The following SLC6A11 variants were observed in gnomAD, a reference collection of about 807,000 sequenced individuals.
SLC6A11 encodes the protein sodium- and chloride-dependent GABA transporter 3.
A neutral mutation model predicts 74.8 loss-of-function variants in SLC6A11; 25 were observed. The observed-to-expected ratio is 0.33, with a 90% CI of 0.24 to 0.47. The LOEUF (loss-of-function observed/expected upper bound fraction) is 0.47, where lower values mean the gene tolerates loss of function less well. SLC6A11 is among the 20% of genes least tolerant of loss of function. The pLI is 1.00. For synonymous variants in SLC6A11, 330 were observed against 330.2 expected (o/e 1.00, Z 0.01); for missense variants, 574 against 837.0 (o/e 0.69, Z 3.88).
intron 6 of SLC6A11, among the ~76,000 whole-genome samples, chr3:10,878,579 ATTT>A (rs56827863): frequency 1.4e-5 from 2 of 141,168 alleles, no homozygotes; most frequent in African/African-American, 2.6e-5. Flanking sequence ...TAATGTTTGT[ATTT>A]TTTTTTTTTT....
rs1695805687 is a variant in SLC6A11 at position 10,939,947 on chromosome 3, G to A, written c.*1545G>A. 1 of 152,076 alleles carries A rather than the reference G, an allele frequency of 6.6e-6. No homozygotes were observed. The highest frequency in any genetic ancestry group is 2.4e-5 in the African/African-American group (1 of 41,420). The allele number at this position is 152,076 out of a possible 1,614,324, so 9.4% of individuals were successfully genotyped here. ...CACACTCTTTTTTCCTTTTTCCTTA[G>A]GTTCCCAATATTATTTGGTGGAAAC... On this transcript the variant is annotated 3_prime_UTR_variant, in exon 14 of 14. Transcript: ENST00000254488.
chr3:10,851,050 C>T (rs1021384620), intron 5 of SLC6A11, among the ~76,000 whole-genome samples: 2 of 152,308 alleles, frequency 1.3e-5, no homozygotes, highest in South Asian at 2.1e-4. Context: ...GGACACTGCC[C>T]TCTGCAGACA....
chr3:10,831,457 AG>A (rs1296199506), intron 4 of SLC6A11, among the ~76,000 whole-genome samples: 1 of 152,210 alleles, frequency 6.6e-6, no homozygotes, highest in Admixed American at 6.5e-5. Context: ...GACACAGAAA[AG>A]CTAACAGTAA....
chr3:10,817,759 G>T (rs1694082166), intron 1 of SLC6A11, among the ~76,000 whole-genome samples: 1 of 152,184 alleles, frequency 6.6e-6, no homozygotes, highest in South Asian at 2.1e-4. Context: ...GGCACAGGCT[G>T]CTCCAAGCCT....
intron 4 of SLC6A11, chr3:10,824,499 T>C (rs1183449114): frequency 1.3e-5 from 2 of 152,194 alleles, no homozygotes; most frequent in Non-Finnish European, 2.9e-5. Context: ...CTCATATAAA[T>C]CTTCATACTT....
chr3:10,904,215 C>G (rs1695275502), intron 6 of SLC6A11, among the ~76,000 whole-genome samples: 1 of 152,172 alleles, frequency 6.6e-6, no homozygotes, highest in South Asian at 2.1e-4. Context: ...TCTTGCTTCT[C>G]CCAGCAAATG....
chr3:10,884,525 G>T (rs1695019921), intron 6 of SLC6A11, among the ~76,000 whole-genome samples: 1 of 152,206 alleles, frequency 6.6e-6, no homozygotes, highest in African/African-American at 2.4e-5. Context: ...GGCTCTGAGG[G>T]GCTGAAGCTT....
chr3:10,853,340 G>T (rs975356291), intron 5 of SLC6A11, among the ~76,000 whole-genome samples: 2 of 152,198 alleles, frequency 1.3e-5, no homozygotes, highest in Non-Finnish European at 2.9e-5. Flanking sequence ...TGGCTAAGCC[G>T]CAGCTGGCAT....
At chr3:10,896,800 T>C (rs1434839398) in intron 6 of SLC6A11, among the ~76,000 whole-genome samples, 1 of 152,198 alleles carries the variant, frequency 6.6e-6, no homozygotes, top group Non-Finnish European at 1.5e-5. Flanking sequence ...TGAGGGGGCA[T>C]AGACCCACTA....
chr3:10,923,926 A>G (rs1396253570), intron 8 of SLC6A11, among the ~76,000 whole-genome samples: 1 of 152,192 alleles, frequency 6.6e-6, no homozygotes, highest in Admixed American at 6.5e-5. Flanking sequence ...TAGCCAAAAG[A>G]TGCACAACCT....
chr3:10,821,804 AT>A (rs67912503), intron 3 of SLC6A11, among the ~76,000 whole-genome samples: 4,997 of 149,848 alleles, frequency 0.033, 113 homozygotes, highest in South Asian at 0.083. Context: ...GTGTCCAGTA[AT>A]TTTTTTTTTT....
intron 6 of SLC6A11, among the ~76,000 whole-genome samples, chr3:10,889,313 G>A (rs1178943579): frequency 6.6e-6 from 1 of 151,934 alleles, no homozygotes; most frequent in Non-Finnish European, 1.5e-5. Flanking sequence ...GTTCTCTCTT[G>A]GTGTTGTACC....
In SLC6A11 at chr3:10,824,158, A is replaced by T. The variant is rs184082918; in HGVS notation, c.623+766A>T. 1.2e-4 allele frequency: 19 copies of T among 152,348 alleles called. No individual in the cohort carries two copies. The East Asian group carries it at 2.9e-3, about 23-fold the overall frequency. 9.4% of individuals were successfully genotyped at this position (152,348 alleles called of 1,614,324 possible). ...CCATAATTTACATTATGAAATATAC[A>T]TTCCAGAATTGTGTGGTGCACGACC... On this transcript the variant is annotated intron_variant, in intron 4 of 13. Coordinates refer to ENST00000254488, the MANE Select transcript of SLC6A11 (RefSeq NM_014229.3).
At chr3:10,907,573 T>C (rs961114346) in intron 6 of SLC6A11, among the ~76,000 whole-genome samples, 2 of 152,226 alleles carry the variant, frequency 1.3e-5, no homozygotes, top group African/African-American at 4.8e-5. Context: ...CACAGATTAG[T>C]CACTGTTGGA....
intron 6 of SLC6A11, among the ~76,000 whole-genome samples, chr3:10,888,561 C>T (rs1695071029): frequency 2.0e-5 from 3 of 152,212 alleles, no homozygotes; most frequent in Admixed American, 2.0e-4. Flanking sequence ...AGTGGAGTCA[C>T]TTCAAAGAGA....
At chr3:10,884,718 A>G (rs888232984) in intron 6 of SLC6A11, among the ~76,000 whole-genome samples, 14 of 152,072 alleles carry the variant, frequency 9.2e-5, no homozygotes, top group Non-Finnish European at 2.9e-5. Flanking sequence ...GAATCCTAGA[A>G]TCTTAGCCTT....
chr3:10,860,896 C>T (rs1226733572), intron 5 of SLC6A11, among the ~76,000 whole-genome samples: 1 of 152,128 alleles, frequency 6.6e-6, no homozygotes, highest in East Asian at 1.9e-4. Flanking sequence ...CATAGGAAAT[C>T]CAGGTAGACA....
Position 10,816,259 on chromosome 3 carries a change from C to A in SLC6A11, c.-7C>A. The stretch of plus-strand genomic sequence containing the variant: ...CCGGGCCGGCGCACGAGGCAGCCAG[C>A]GCGGCCATGACGGCGGAGAAGGCGC... On this transcript the variant is annotated 5_prime_UTR_variant, in exon 1 of 14. Transcript: ENST00000254488. The surrounding 1 kb of genome is among the most constrained non-coding windows in gnomAD (Gnocchi z 4.2). 1.5e-6 allele frequency: 2 copies of A among 1,322,828 alleles called. No individual in the cohort carries two copies. The highest frequency in any genetic ancestry group is 1.9e-6 in the Non-Finnish European group (2 of 1,038,540). The allele number at this position is 1,322,828 out of a possible 1,614,324, so 81.9% of individuals were successfully genotyped here.
intron 4 of SLC6A11, among the ~76,000 whole-genome samples, chr3:10,835,844 G>A (rs1020287914): frequency 1.4e-4 from 22 of 152,218 alleles, no homozygotes; most frequent in Admixed American, 1.4e-3. Flanking sequence ...AGGGTTGGGA[G>A]GGGGGAGCCC....
Sources: allele counts gnomAD v4.1 joint callset (sites outside exome capture counted in the v4.1 genomes callset), GRCh38; gene constraint gnomAD v4.1.1; non-coding constraint Gnocchi (gnomAD v3.1); transcripts MANE v1.5; gene names NCBI Gene and HGNC (gene_info 2026-07-23, HGNC 2026-07-21).